The following PDE11A variants were observed in gnomAD, a reference collection of about 807,000 sequenced individuals.
The protein encoded by PDE11A is phosphodiesterase 11A.
PDE11A carries 100 observed loss-of-function variants against 100.5 expected under a neutral mutation model. The observed-to-expected ratio is 1.00, with a 90% CI of 0.85 to 1.18. The LOEUF (loss-of-function observed/expected upper bound fraction) is 1.18, where lower values mean the gene tolerates loss of function less well. Ranked by LOEUF, PDE11A falls within the 50% of genes most tolerant of loss-of-function variation. PDE11A has a pLI of 0.00. For synonymous variants in PDE11A, 381 were observed against 420.8 expected (o/e 0.91, Z 1.16); for missense variants, 1,141 against 1,152.6 (o/e 0.99, Z 0.15).
At chr2:177,933,538 G>A (rs1036743526) in intron 2 of PDE11A, among the ~76,000 whole-genome samples, 7 of 152,010 alleles carry the variant, frequency 4.6e-5, no homozygotes, top group African/African-American at 1.7e-4. Context: ...AAAATTAGCT[G>A]GGCATGATGG....
At chr2:177,800,057 T>C (rs1246015913) in intron 9 of PDE11A, among the ~76,000 whole-genome samples, 1 of 152,192 alleles carries the variant, frequency 6.6e-6, no homozygotes, top group African/African-American at 2.4e-5. Flanking sequence ...CACAGAGAAA[T>C]TGACCTGCCC....
chr2:177,777,967 T>C (rs1281723047), intron 9 of PDE11A, among the ~76,000 whole-genome samples: 1 of 152,248 alleles, frequency 6.6e-6, no homozygotes, highest in Non-Finnish European at 1.5e-5. Flanking sequence ...AAGAAATTTT[T>C]ATAGTTTCTA....
At chr2:178,048,707 T>C (rs1380963207) in intron 1 of PDE11A, among the ~76,000 whole-genome samples, 1 of 152,226 alleles carries the variant, frequency 6.6e-6, no homozygotes, top group Non-Finnish European at 1.5e-5. Flanking sequence ...TTTTCTGTGC[T>C]TGGGAGGGTA....
At chr2:177,677,953 G>C (rs1559139009) in intron 16 of PDE11A, 1 of 152,052 alleles carries the variant, frequency 6.6e-6, no homozygotes, top group Non-Finnish European at 1.5e-5. Context: ...TTGTTCTGTA[G>C]TTGTAAAACA....
chr2:177,857,142 A>T lies in PDE11A; in HGVS notation c.1368-16759T>A, dbSNP rs114465740. On this transcript the variant is annotated intron_variant, in intron 5 of 19. Transcript: ENST00000286063. ...ACTATAAGGCTAGAAAACAGCTGAA[A>T]AATATATCCACAGTACCAAAAGGAA... 7.2e-3 allele frequency among the ~76,000 whole-genome samples: 1,099 copies of T among 152,092 alleles called. 12 individuals carry two copies. The highest frequency in any genetic ancestry group is 0.025 in the African/African-American group (1,023 of 41,526).
chr2:177,794,012 T>C lies in PDE11A; in HGVS notation c.1737+22817A>G, dbSNP rs569391306. 4.4e-4 allele frequency among the ~76,000 whole-genome samples: 67 copies of C among 152,144 alleles called. 1 individual carries two copies. The highest frequency in any genetic ancestry group is 8.1e-4 in the Non-Finnish European group (55 of 68,000). On this transcript the variant is annotated intron_variant, in intron 9 of 19. Coordinates refer to ENST00000286063, the MANE Select transcript of PDE11A (RefSeq NM_016953.4). ...ATTGTAGGTGCTAGGGATACATCAGTCAAAAAAAGAGACAAAAATCTCTGC... is the reference window on the plus strand; with the variant it reads ...ATTGTAGGTGCTAGGGATACATCAGCCAAAAAAAGAGACAAAAATCTCTGC...
At chr2:177,819,360 G>A (rs1243075192) in intron 7 of PDE11A, among the ~76,000 whole-genome samples, 1 of 152,078 alleles carries the variant, frequency 6.6e-6, no homozygotes, top group Non-Finnish European at 1.5e-5. Flanking sequence ...TTAGGGGGAA[G>A]CAGAGAAAGG....
At chr2:177,854,744 G>A (rs1483316264) in intron 5 of PDE11A, among the ~76,000 whole-genome samples, 1 of 152,074 alleles carries the variant, frequency 6.6e-6, no homozygotes, top group Non-Finnish European at 1.5e-5. Flanking sequence ...ATACCAAGAG[G>A]CAGACTCAGA....
intron 2 of PDE11A, among the ~76,000 whole-genome samples, chr2:178,087,299 G>A (rs2087369892): frequency 6.6e-6 from 1 of 150,834 alleles, no homozygotes; most frequent in South Asian, 2.1e-4. Context: ...GTTGCAGTGA[G>A]CCAAGATCGC....
At chr2:178,104,274 G>A (rs1242233061) in intron 2 of PDE11A, 1 of 1,599,834 alleles carries the variant, frequency 6.3e-7, no homozygotes, top group Non-Finnish European at 8.6e-7. Context: ...AGTGTATCTG[G>A]TTCTCTCCCA....
chr2:177,746,070 G>T (rs1398251763), intron 10 of PDE11A, among the ~76,000 whole-genome samples: 1 of 152,144 alleles, frequency 6.6e-6, no homozygotes, highest in African/African-American at 2.4e-5. Context: ...ACAAGGCATA[G>T]GAAGAACCCA....
intron 18 of PDE11A, among the ~76,000 whole-genome samples, chr2:177,669,107 GA>G (rs2080634195): frequency 6.6e-6 from 1 of 152,192 alleles, no homozygotes; most frequent in South Asian, 2.1e-4. Flanking sequence ...TTGAAAGTTG[GA>G]AATTGGAAAA....
intron 2 of PDE11A, among the ~76,000 whole-genome samples, chr2:177,923,028 A>G (rs1326470332): frequency 1.3e-5 from 2 of 150,402 alleles, no homozygotes; most frequent in Non-Finnish European, 3.0e-5. Flanking sequence ...TTGCTCTACC[A>G]TTGTCTCTCT....
chr2:178,106,990 T>C (rs558254990), intron 1 of PDE11A, among the ~76,000 whole-genome samples: 1 of 124,350 alleles, frequency 8.0e-6, no homozygotes, highest in East Asian at 2.4e-4. Context: ...AAAAGAAAAA[T>C]CATATTGATT....
intron 9 of PDE11A, among the ~76,000 whole-genome samples, chr2:177,799,428 A>G (rs2082753690): frequency 6.6e-6 from 1 of 152,170 alleles, no homozygotes; most frequent in Non-Finnish European, 1.5e-5. Flanking sequence ...TATCTTCCCA[A>G]TTTTTCTGTA....
At chr2:178,069,650 T>A (rs1042550123) in intron 1 of PDE11A, among the ~76,000 whole-genome samples, 25 of 152,126 alleles carry the variant, frequency 1.6e-4, no homozygotes, top group Admixed American at 6.5e-5. Context: ...AACTTTGCTT[T>A]ACACTCTGCA....
chr2:177,849,195 C>G (rs1392492577), intron 5 of PDE11A, among the ~76,000 whole-genome samples: 1 of 152,128 alleles, frequency 6.6e-6, no homozygotes, highest in Non-Finnish European at 1.5e-5. Context: ...GGATGTCAGC[C>G]CAGCCTAGCC....
chr2:177,664,011 G>T, intron 18 of PDE11A, 62 bp from the exon 19 acceptor site: 1 of 985,740 alleles, frequency 1.0e-6, no homozygotes, highest in Non-Finnish European at 1.6e-6. Context: ...AGGGTGCTTT[G>T]TCAAACACTT....
intron 2 of PDE11A, among the ~76,000 whole-genome samples, chr2:177,980,167 C>G (rs941220059): frequency 6.7e-6 from 1 of 149,408 alleles, no homozygotes; most frequent in African/African-American, 2.4e-5. Flanking sequence ...AAAAAAAAAA[C>G]GAAGAATACC....
Sources: allele counts gnomAD v4.1 joint callset (sites outside exome capture counted in the v4.1 genomes callset), GRCh38; gene constraint gnomAD v4.1.1; transcripts MANE v1.5; gene names NCBI Gene and HGNC (gene_info 2026-07-23, HGNC 2026-07-21).